FNBP1: variants seen among roughly 807,000 people sequenced by gnomAD.
FNBP1 encodes the protein formin binding protein 1.
Under a neutral mutation model 90.6 loss-of-function variants are expected in FNBP1, and 26 were observed. The observed-to-expected ratio is 0.29, with a 90% CI of 0.21 to 0.40. The LOEUF (loss-of-function observed/expected upper bound fraction) is 0.40, where lower values mean the gene tolerates loss of function less well. FNBP1 is among the 10% of genes least tolerant of loss of function. The probability of loss-of-function intolerance (pLI) is 1.00; values close to 1 mark genes in which losing one functional copy is unlikely to be tolerated. For missense variants in FNBP1, 635 were observed against 768.0 expected (o/e 0.83, Z 2.05); for synonymous variants, 260 against 265.2 (o/e 0.98, Z 0.19).
intron 2 of FNBP1, among the ~76,000 whole-genome samples, chr9:129,990,057 G>C (rs2052882886): frequency 6.6e-6 from 1 of 151,902 alleles, no homozygotes; most frequent in African/African-American, 2.4e-5. Context: ...GAGGGGAGGG[G>C]TTGCTAAATT....
rs1390261015 is a variant in FNBP1 at position 129,895,860 on chromosome 9, G to C, written c.1824C>G (p.Val608=). Reference sequence around the variant, plus strand: ...CACCTTTGGCATTTTTGTCCAAACAGACTTCGACATATGAAGTGGGGACAT... The same window carrying C: ...CACCTTTGGCATTTTTGTCCAAACACACTTCGACATATGAAGTGGGGACAT... The part of the protein sequence containing the change: ...EGYVPTSYVE[V]CLDKNAKDS Residue 608 remains valine, a synonymous_variant, in exon 16 of 17, where the codon GTC becomes GTG. Transcript: ENST00000446176. 1 of 1,610,978 alleles carries C rather than the reference G, an allele frequency of 6.2e-7. No homozygotes were observed. The highest frequency in any genetic ancestry group is 1.7e-5 in the Admixed American group (1 of 59,416).
intron 2 of FNBP1, among the ~76,000 whole-genome samples, chr9:129,986,407 T>C (rs1208576776): frequency 2.6e-5 from 4 of 151,746 alleles, no homozygotes; most frequent in African/African-American, 7.3e-5. Flanking sequence ...TATACCACTA[T>C]AGAACCCATC....
chr9:129,896,939 C>T (rs924642757), intron 15 of FNBP1, among the ~76,000 whole-genome samples: 1 of 152,196 alleles, frequency 6.6e-6, no homozygotes, highest in South Asian at 2.1e-4. Context: ...CCCAACTGCT[C>T]CTCTTTAAAC....
rs188761297 is a variant in FNBP1, at chr9:130,009,695, G to A, written c.25-14737C>T. ...CATGGGCCTGTAGTCTCATCTACTC[G>A]GGAGGCTGAGGCAGGATAATTGCTT... On this transcript the variant is annotated intron_variant, in intron 1 of 16. Coordinates refer to ENST00000446176, the MANE Select transcript of FNBP1 (RefSeq NM_015033.3). Among the ~76,000 whole-genome samples the A allele has an allele frequency of 2.0e-3, 298 of 152,232 alleles. 2 individuals carry two copies. The highest frequency in any genetic ancestry group is 2.3e-3 in the Non-Finnish European group (158 of 68,014).
intron 1 of FNBP1, among the ~76,000 whole-genome samples, chr9:129,995,280 A>T (rs1484833674): frequency 2.0e-5 from 3 of 152,204 alleles, no homozygotes; most frequent in Admixed American, 2.0e-4. Flanking sequence ...TGAAACATAC[A>T]CACAAACACA....
At chr9:130,052,608 A>G in the FNBP1 span, among the ~76,000 whole-genome samples, 1 of 151,510 alleles carries the variant, frequency 6.6e-6, no homozygotes, top group East Asian at 2.0e-4. Context: ...TAATTTTTGT[A>G]TTTTTAGTAG....
chr9:129,961,765 T>A (rs2047862946), intron 4 of FNBP1, among the ~76,000 whole-genome samples: 1 of 152,060 alleles, frequency 6.6e-6, no homozygotes, highest in Non-Finnish European at 1.5e-5. Context: ...TTTGTATTTT[T>A]AGTAGAGACA....
intron 6 of FNBP1, 127 bp from the exon 7 acceptor site, chr9:129,929,822 C>T (rs556253131): frequency 7.4e-5 from 60 of 809,156 alleles, no homozygotes; most frequent in African/African-American, 6.6e-4. Context: ...ATGTATTCCG[C>T]GGGTGCTTTT....
intron 2 of FNBP1, among the ~76,000 whole-genome samples, chr9:129,990,319 C>G (rs1263143085): frequency 6.6e-6 from 1 of 151,960 alleles, no homozygotes; most frequent in Non-Finnish European, 1.5e-5. Flanking sequence ...ACTGAAAAAG[C>G]AAAGCAGGCT....
intron 11 of FNBP1, among the ~76,000 whole-genome samples, chr9:129,914,753 A>ATGTGTG (rs1256859536): frequency 3.0e-4 from 26 of 86,350 alleles, no homozygotes; most frequent in Non-Finnish European, 4.2e-4. Context: ...ATACATACAT[A>ATGTGTG]TGTCTATATA....
chr9:129,900,030 T>C lies in FNBP1; in HGVS notation c.1622A>G (p.Asp541Gly), dbSNP rs975623235. The C allele has an allele frequency of 1.2e-6, 2 of 1,613,612 alleles. No homozygotes were observed. The highest frequency in any genetic ancestry group is 1.3e-5 in the African/African-American group (1 of 75,002). ...EMKVLATDFD[D>G]EFDDEEPLPA... ...GAGGGGCTCCTCATCATCAAACTCG[T>C]CGTCAAAATCCGTGGCCAGCACCTT... The change falls in exon 15 of 17, where the codon GAC becomes GGC. Residue 541 changes from aspartate (D) to glycine (G), a missense_variant. Physicochemically the swap from Asp to Gly is moderately conservative, Grantham distance 94. Transcript: ENST00000446176. This position sits in a 1 kb window ranked among gnomAD's most constrained non-coding sequence, Gnocchi z 4.1.
intron 1 of FNBP1, among the ~76,000 whole-genome samples, chr9:130,006,602 G>A (rs1203108123): frequency 6.6e-6 from 1 of 151,960 alleles, no homozygotes; most frequent in African/African-American, 2.4e-5. Context: ...CCCAGGAGGC[G>A]GAGGTTGCAG....
At position 129,889,632 on chromosome 9, in the gene FNBP1, G is replaced by C. The variant is rs980747779; in HGVS notation, c.*907C>G. On this transcript the variant is annotated 3_prime_UTR_variant, in exon 17 of 17. Coordinates refer to ENST00000446176, the MANE Select transcript of FNBP1 (RefSeq NM_015033.3). ...CTACCCTTTTCAGATGCTAATCCTG[G>C]GGCTCCTGGAAAGGAGAGGATGTTC... The C allele has an allele frequency of 8.7e-6, 2 of 229,024 alleles. No individual in the cohort carries two copies. Among genetic ancestry groups the C allele is most frequent in the Non-Finnish European group, 1.7e-5 (2 of 115,456 alleles). 14.2% of individuals were successfully genotyped at this position (229,024 alleles called of 1,614,324 possible). A position where few individuals can be genotyped will look rare whatever the true frequency, so the allele number is the denominator to read the frequency against.
At chr9:130,026,947 C>T (rs985073569) in intron 1 of FNBP1, among the ~76,000 whole-genome samples, 1 of 142,858 alleles carries the variant, frequency 7.0e-6, no homozygotes, top group African/African-American at 2.6e-5. Context: ...GCCTGGGCAA[C>T]AGAGCCAGAC....
Position 129,929,699 on chromosome 9 carries a change from AG to A in FNBP1, c.514-5del, listed in dbSNP as rs2132038240. On this transcript the variant is annotated splice_region_variant and splice_polypyrimidine_tract_variant and intron_variant, in intron 6 of 16. Transcript: ENST00000446176. ...GTATTTGAGCTTGTTGTCGGGCCTT[AG>A]GGCAAAAACAAGAATACTCCTACGT... 6.2e-7 allele frequency: 1 copy of A among 1,613,928 alleles called. No homozygotes were observed. The highest frequency in any genetic ancestry group is 2.2e-5 in the East Asian group (1 of 44,880).
At position 129,977,961 on chromosome 9, in the gene FNBP1, T is replaced by C. The variant is rs544534902; in HGVS notation, c.345+504A>G. On this transcript the variant is annotated intron_variant, in intron 4 of 16. Transcript: ENST00000446176. The stretch of plus-strand genomic sequence containing the variant: ...GAGTTTCAGAGTGTCTGAAGGACCC[T>C]TGACATTTTACGTAGAGACCTAGAA... 2.0e-5 allele frequency among the ~76,000 whole-genome samples: 3 copies of C among 152,230 alleles called. No homozygotes were observed. In the South Asian group the frequency reaches 6.2e-4, roughly 32 times the overall value.
At chr9:130,019,385 T>G (rs2057585824) in intron 1 of FNBP1, among the ~76,000 whole-genome samples, 1 of 152,182 alleles carries the variant, frequency 6.6e-6, no homozygotes, top group African/African-American at 2.4e-5. Flanking sequence ...TTTTTTGGAT[T>G]AAACTAACAA....
At position 130,042,976 on chromosome 9, in the gene FNBP1, G is replaced by A; in HGVS notation, c.-1C>T. 8.2e-7 allele frequency: 1 copy of A among 1,225,384 alleles called. No individual in the cohort carries two copies. 75.9% of individuals were successfully genotyped at this position (1,225,384 alleles called of 1,614,324 possible). On this transcript the variant is annotated 5_prime_UTR_variant, in exon 1 of 17. Transcript: ENST00000446176. This position sits in a 1 kb window ranked among gnomAD's most constrained non-coding sequence, Gnocchi z 5.5. ...CCCAGAGCTCGGTGCCCCAGCTCATGGTGCAGGGGACGCGAAGGGGCGCTC... is the reference window on the plus strand; with the variant it reads ...CCCAGAGCTCGGTGCCCCAGCTCATAGTGCAGGGGACGCGAAGGGGCGCTC...
At chr9:129,903,425 G>C (rs1218846491) in intron 12 of FNBP1, among the ~76,000 whole-genome samples, 1 of 152,080 alleles carries the variant, frequency 6.6e-6, no homozygotes, top group Non-Finnish European at 1.5e-5. Flanking sequence ...GAAGATTAGA[G>C]TATGGATAAG....
Sources: gnomAD v4.1 joint callset for allele counts (sites outside exome capture counted in the v4.1 genomes callset) on GRCh38, gnomAD v4.1.1 for gene constraint, Gnocchi (gnomAD v3.1) non-coding constraint, MANE v1.5 for transcripts, NCBI Gene and HGNC (gene_info 2026-07-23, HGNC 2026-07-21) for gene names.